STK32B: variants seen among roughly 807,000 people sequenced by gnomAD.
STK32B encodes the protein serine/threonine kinase 32B.
A neutral mutation model predicts 52.6 loss-of-function variants in STK32B; 43 were observed. The observed-to-expected ratio is 0.82, with a 90% CI of 0.64 to 1.05. STK32B has a LOEUF of 1.05. Ranked by LOEUF, STK32B falls within the 50% of genes least tolerant of loss-of-function variation. The probability of loss-of-function intolerance (pLI) is 0.00; values close to 1 mark genes in which losing one functional copy is unlikely to be tolerated. For missense variants in STK32B, 621 were observed against 534.6 expected (o/e 1.16, Z -1.59); for synonymous variants, 238 against 204.3 (o/e 1.17, Z -1.41).
At chr4:5,114,382 T>G (rs978260922) in intron 1 of STK32B, among the ~76,000 whole-genome samples, 3 of 152,008 alleles carry the variant, frequency 2.0e-5, no homozygotes, top group African/African-American at 7.2e-5. Flanking sequence ...AAACATCTTC[T>G]TATAGCACCC....
intron 4 of STK32B, among the ~76,000 whole-genome samples, chr4:5,375,290 C>A (rs1258298839): frequency 3.3e-5 from 5 of 152,148 alleles, no homozygotes; most frequent in Non-Finnish European, 5.9e-5. Flanking sequence ...CATGCCTGTA[C>A]ACAGCCTGCT....
chr4:5,131,945 GA>G (rs1198926300), intron 1 of STK32B, among the ~76,000 whole-genome samples: 6 of 149,496 alleles, frequency 4.0e-5, no homozygotes, highest in Non-Finnish European at 7.4e-5. Flanking sequence ...GAGATTAACT[GA>G]AGGATTTGAG....
chr4:5,212,940 C>T (rs1032619111), intron 3 of STK32B, among the ~76,000 whole-genome samples: 4 of 152,040 alleles, frequency 2.6e-5, no homozygotes, highest in Non-Finnish European at 2.9e-5. Context: ...CTGCTCTCTG[C>T]GCTTTCTGGT....
chr4:5,442,524 A>G (rs200239330), intron 6 of STK32B, among the ~76,000 whole-genome samples: 12,927 of 149,036 alleles, frequency 0.087, 855 homozygotes, highest in East Asian at 0.38. Context: ...GATTTCCTGA[A>G]TACAGCACAC....
chr4:5,495,934 G>A (rs1354531844), intron 11 of STK32B, among the ~76,000 whole-genome samples: 1 of 152,160 alleles, frequency 6.6e-6, no homozygotes, highest in Non-Finnish European at 1.5e-5. Flanking sequence ...CGTTCCTCTG[G>A]AAATTTTGTC....
chr4:5,231,728 G>A (rs1724285382), intron 3 of STK32B, among the ~76,000 whole-genome samples: 1 of 152,170 alleles, frequency 6.6e-6, no homozygotes, highest in Admixed American at 6.5e-5. Flanking sequence ...TGATGACCAA[G>A]GGCTGAGGAC....
chr4:5,422,552 T>A (rs890424934), intron 6 of STK32B, among the ~76,000 whole-genome samples: 1 of 152,236 alleles, frequency 6.6e-6, no homozygotes, highest in Non-Finnish European at 1.5e-5. Context: ...TGTGCCAGAT[T>A]AGAAGTCAGA....
At chr4:5,419,844 C>T (rs1187598154) in intron 6 of STK32B, among the ~76,000 whole-genome samples, 2 of 152,254 alleles carry the variant, frequency 1.3e-5, no homozygotes, top group Middle Eastern at 3.4e-3. Context: ...GAATCCACTA[C>T]TCATGTCATT....
intron 3 of STK32B, among the ~76,000 whole-genome samples, chr4:5,309,698 A>G (rs1277120808): frequency 6.6e-6 from 1 of 152,218 alleles, no homozygotes; most frequent in Non-Finnish European, 1.5e-5. Context: ...AAATGAACCT[A>G]GACACCTATC....
intron 4 of STK32B, among the ~76,000 whole-genome samples, chr4:5,347,141 A>G (rs560439331): frequency 6.6e-6 from 1 of 152,278 alleles, no homozygotes; most frequent in Admixed American, 6.5e-5. Flanking sequence ...AAACCATATC[A>G]GTCACCATAA....
intron 3 of STK32B, among the ~76,000 whole-genome samples, chr4:5,168,862 G>C (rs1013694910): frequency 6.6e-6 from 1 of 152,128 alleles, no homozygotes; most frequent in Admixed American, 6.5e-5. Flanking sequence ...TGCCCATCAC[G>C]GACGTACCAA....
intron 11 of STK32B, among the ~76,000 whole-genome samples, chr4:5,493,145 G>A (rs1257242518): frequency 6.6e-6 from 1 of 151,822 alleles, no homozygotes; most frequent in African/African-American, 2.4e-5. Flanking sequence ...AATAGTTTCA[G>A]AAGGAATGGT....
chr4:5,359,648 C>T (rs1734418256), intron 4 of STK32B, among the ~76,000 whole-genome samples: 1 of 152,168 alleles, frequency 6.6e-6, no homozygotes, highest in Non-Finnish European at 1.5e-5. Flanking sequence ...TGCTGTATTA[C>T]AGAGACCAGA....
Position 5,194,232 on chromosome 4 carries a change from T to A in STK32B, c.260+25782T>A, listed in dbSNP as rs574515356. On this transcript the variant is annotated intron_variant, in intron 3 of 11. Coordinates refer to ENST00000282908, the MANE Select transcript of STK32B (RefSeq NM_018401.3). The stretch of plus-strand genomic sequence containing the variant: ...CTGAGACCAATGGTCCTGTGTATAT[T>A]GTTCTCTGCTGTGTTCCCCTAAATA... Among the ~76,000 whole-genome samples, 4 of 152,372 alleles carry A rather than the reference T, an allele frequency of 2.6e-5. No individual in the cohort carries two copies. In the South Asian group the frequency reaches 8.3e-4, roughly 32 times the overall value.
chr4:5,274,391 G>A (rs969732825), intron 3 of STK32B, among the ~76,000 whole-genome samples: 1 of 152,104 alleles, frequency 6.6e-6, no homozygotes, highest in Non-Finnish European at 1.5e-5. Context: ...ATGGTGGGGG[G>A]TAGGGTGGGA....
At chr4:5,242,642 C>T (rs201925823) in intron 3 of STK32B, among the ~76,000 whole-genome samples, 3 of 151,886 alleles carry the variant, frequency 2.0e-5, no homozygotes, top group African/African-American at 4.8e-5. Context: ...TTAGACATGA[C>T]GTCCTTGCCC....
chr4:5,479,127 T>G (rs1718474371), intron 11 of STK32B, among the ~76,000 whole-genome samples: 1 of 150,126 alleles, frequency 6.7e-6, no homozygotes, highest in Non-Finnish European at 1.5e-5. Flanking sequence ...GTTTTTGTTT[T>G]TTTTTTTTTT....
rs191151800 is a variant in STK32B at position 5,485,742 on chromosome 4, T to C, written c.1107-13203T>C. Among the ~76,000 whole-genome samples, 1,288 of 152,302 alleles carry C rather than the reference T, an allele frequency of 8.5e-3. 19 individuals carry two copies. Among genetic ancestry groups the C allele is most frequent in the African/African-American group, 0.029 (1,225 of 41,550 alleles). On this transcript the variant is annotated intron_variant, in intron 11 of 11. Coordinates refer to ENST00000282908, the MANE Select transcript of STK32B (RefSeq NM_018401.3). ...TTTATCTACCTTTGGTCTTTGATGA[T>C]GGTGATGTACAGATGGGGTTTTGGT...
At chr4:5,175,070 C>A (rs529915583) in intron 3 of STK32B, among the ~76,000 whole-genome samples, 1 of 152,168 alleles carries the variant, frequency 6.6e-6, no homozygotes, top group African/African-American at 2.4e-5. Context: ...ATCGCTGATA[C>A]CCTTTCTTCC....
Sources: allele counts gnomAD v4.1 joint callset (sites outside exome capture counted in the v4.1 genomes callset), GRCh38; gene constraint gnomAD v4.1.1; transcripts MANE v1.5; gene names NCBI Gene and HGNC (gene_info 2026-07-23, HGNC 2026-07-21).